Variants in TTC27 observed in about 807,000 individuals in gnomAD.
TTC27 encodes the protein tetratricopeptide repeat protein 27.
In TTC27, 79 loss-of-function variants were observed where a neutral mutation model predicts 115.9. The observed-to-expected ratio is 0.68, with a 90% CI of 0.57 to 0.82. TTC27 has a LOEUF of 0.82. Ranked by LOEUF, TTC27 falls within the 40% of genes least tolerant of loss-of-function variation. The pLI is 0.00. For synonymous variants in TTC27, 401 were observed against 356.0 expected, an observed-to-expected ratio of 1.13 and a Z score of -1.42; for missense variants, 1,054 against 993.1, an observed-to-expected ratio of 1.06 and a Z score of -0.82.
At chr2:32,709,385 T>G (rs1667499120) in intron 10 of TTC27, among the ~76,000 whole-genome samples, 1 of 152,214 alleles carries the variant, frequency 6.6e-6, no homozygotes. Flanking sequence ...ACAGGTTCAG[T>G]CTCCCTTATC....
chr2:32,703,533 T>C (rs1444662386), intron 10 of TTC27, among the ~76,000 whole-genome samples: 1 of 152,054 alleles, frequency 6.6e-6, no homozygotes, highest in African/African-American at 2.4e-5. Context: ...AATAGAAGAA[T>C]TAATAAATAA....
intron 10 of TTC27, among the ~76,000 whole-genome samples, chr2:32,711,647 C>G (rs548330391): frequency 2.0e-5 from 3 of 152,124 alleles, no homozygotes; most frequent in Admixed American, 6.6e-5. Flanking sequence ...AAACTTAAAA[C>G]TTGAGGAAAA....
At chr2:32,686,862 T>A (rs1666648068) in intron 9 of TTC27, among the ~76,000 whole-genome samples, 1 of 152,110 alleles carries the variant, frequency 6.6e-6, no homozygotes, top group Non-Finnish European at 1.5e-5. Flanking sequence ...TGTGTGTGTG[T>A]GAGATGGAGT....
At chr2:32,650,097 C>T (rs1665033776) in intron 4 of TTC27, 34 bp from the exon 5 acceptor site, 4 of 1,538,392 alleles carry the variant, frequency 2.6e-6, no homozygotes, top group Non-Finnish European at 3.6e-6. Flanking sequence ...CTAAAGTATC[C>T]TTTTATTTCA....
chr2:32,774,420 C>G (rs1669930160), intron 13 of TTC27, among the ~76,000 whole-genome samples: 1 of 152,114 alleles, frequency 6.6e-6, no homozygotes, highest in Non-Finnish European at 1.5e-5. Context: ...AGTGATCTGC[C>G]CACCTCAGCC....
chr2:32,665,874 A>G (rs1195979499), intron 6 of TTC27, among the ~76,000 whole-genome samples: 1 of 152,214 alleles, frequency 6.6e-6, no homozygotes, highest in Admixed American at 6.5e-5. Flanking sequence ...CTGGCAACAG[A>G]GCAGGACTCC....
At chr2:32,773,195 C>G (rs1349465745) in intron 13 of TTC27, among the ~76,000 whole-genome samples, 1 of 152,180 alleles carries the variant, frequency 6.6e-6, no homozygotes, top group Admixed American at 6.5e-5. Flanking sequence ...AGACAGTCAG[C>G]TTTGAAAGGT....
At chr2:32,758,702 G>GT (rs941343678) in intron 13 of TTC27, among the ~76,000 whole-genome samples, 183 bp downstream of exon 13, 2 of 151,924 alleles carry the variant, frequency 1.3e-5, no homozygotes, top group African/African-American at 4.8e-5. Context: ...AAGTGGATAG[G>GT]TTTTTTTTAA....
At chr2:32,639,508 G>A (rs1009402440) in intron 3 of TTC27, among the ~76,000 whole-genome samples, 2 of 152,162 alleles carry the variant, frequency 1.3e-5, no homozygotes, top group South Asian at 2.1e-4. Context: ...ATGGAGTAGA[G>A]ACTTACTTCA....
chr2:32,702,812 G>A lies in TTC27; in HGVS notation c.1125G>A (p.Leu375=). 1 of 1,612,266 alleles carries A rather than the reference G, an allele frequency of 6.2e-7. No individual in the cohort carries two copies. The highest frequency in any genetic ancestry group is 8.5e-7 in the Non-Finnish European group (1 of 1,178,798). The change falls in exon 10 of 20, where the codon TTG becomes TTA. Residue 375 remains leucine (L), a synonymous_variant. Coordinates refer to ENST00000317907, the MANE Select transcript of TTC27 (RefSeq NM_017735.5). ...EVELLAFTSC[L]LSQPKFWAIQ... ...TTTCTTCCCGCTTCTATCAGTGTTT[G>A]CTTTCACAACCAAAGTTCTGGGCCA...
chr2:32,817,611 T>C, intron 19 of TTC27, 54 bp downstream of exon 19: 1 of 1,438,962 alleles, frequency 6.9e-7, no homozygotes, highest in Non-Finnish European at 9.8e-7. Context: ...AGGTCATTAG[T>C]ATCAGCTTAT....
intron 16 of TTC27, among the ~76,000 whole-genome samples, chr2:32,805,749 A>G (rs1671110844): frequency 6.6e-6 from 1 of 152,212 alleles, no homozygotes; most frequent in Non-Finnish European, 1.5e-5. Flanking sequence ...GATCAATGAT[A>G]ATTGTAATAG....
At chr2:32,770,457 TA>T (rs1448288328) in intron 13 of TTC27, among the ~76,000 whole-genome samples, 1 of 152,246 alleles carries the variant, frequency 6.6e-6, no homozygotes, top group Admixed American at 6.5e-5. Context: ...TGCTAGGACG[TA>T]ATGGCAGATT....
rs1419015105 is a variant in TTC27 at position 32,758,384 on chromosome 2, T to C, written c.1545T>C (p.Tyr515=). 9 of 1,614,128 alleles carry C rather than the reference T, an allele frequency of 5.6e-6. No individual in the cohort carries two copies. The highest frequency in any genetic ancestry group is 6.8e-6 in the Non-Finnish European group (8 of 1,180,050). Residue 515 remains tyrosine (Y), a synonymous_variant, in exon 13 of 20, where the codon TAT becomes TAC. Transcript: ENST00000317907. Reference sequence around the variant, plus strand: ...ATGTCCTCGGAGACCATTCTTGCTATGACAAGGCCTGGGAGTTGTCCCGGT... The same window carrying C: ...ATGTCCTCGGAGACCATTCTTGCTACGACAAGGCCTGGGAGTTGTCCCGGT... The part of the protein sequence containing the change: ...LGDVLGDHSC[Y]DKAWELSRYR...
At chr2:32,695,815 G>C (rs1325453971) in intron 9 of TTC27, among the ~76,000 whole-genome samples, 1 of 148,014 alleles carries the variant, frequency 6.8e-6, no homozygotes, top group African/African-American at 2.5e-5. Context: ...ACCATCGCTT[G>C]AACCCTTGAA....
intron 9 of TTC27, among the ~76,000 whole-genome samples, chr2:32,684,041 C>T (rs1226139697): frequency 6.6e-6 from 1 of 152,018 alleles, no homozygotes; most frequent in Non-Finnish European, 1.5e-5. Flanking sequence ...GCCTATAATC[C>T]CAGCTACTCA....
At chr2:32,635,842 T>C (rs1007099011) in intron 3 of TTC27, among the ~76,000 whole-genome samples, 2 of 152,184 alleles carry the variant, frequency 1.3e-5, no homozygotes, top group African/African-American at 4.8e-5. Context: ...GCATATCAGC[T>C]TAGTGAGTCA....
chr2:32,690,984 T>C (rs1666789982), intron 9 of TTC27, among the ~76,000 whole-genome samples: 1 of 152,242 alleles, frequency 6.6e-6, no homozygotes, highest in East Asian at 1.9e-4. Context: ...AGCTCTGAGC[T>C]GGCTTTGATT....
At chr2:32,731,968 T>G (rs1320125039) in intron 10 of TTC27, among the ~76,000 whole-genome samples, 1 of 152,184 alleles carries the variant, frequency 6.6e-6, no homozygotes, top group African/African-American at 2.4e-5. Context: ...GAAAATTAAT[T>G]TTTTGCATGT....
Sources: allele counts gnomAD v4.1 joint callset (sites outside exome capture counted in the v4.1 genomes callset), GRCh38; gene constraint gnomAD v4.1.1; transcripts MANE v1.5; gene names NCBI Gene and HGNC (gene_info 2026-07-23, HGNC 2026-07-21).